ZMYND11: variants seen among roughly 807,000 people sequenced by gnomAD.
The protein encoded by ZMYND11 is zinc finger MYND-type containing 11.
In ZMYND11, 9 loss-of-function variants were observed where a neutral mutation model predicts 84.9. That is an observed-to-expected ratio of 0.11 (90% confidence interval 0.06 to 0.18). ZMYND11 has a LOEUF of 0.18. ZMYND11 is among the 10% of genes least tolerant of loss of function. ZMYND11 has a pLI of 1.00. For missense variants in ZMYND11, 409 were observed against 761.0 expected (o/e 0.54, Z 5.44); for synonymous variants, 250 against 244.1 (o/e 1.02, Z -0.23).
At chr10:193,181 G>A (rs1221363991) in intron 2 of ZMYND11, among the ~76,000 whole-genome samples, 2 of 152,080 alleles carry the variant, frequency 1.3e-5, no homozygotes, top group Non-Finnish European at 2.9e-5. Context: ...TATCAGATAG[G>A]TCTGCAATCC....
intron 2 of ZMYND11, among the ~76,000 whole-genome samples, chr10:207,790 A>G (rs1944451903): frequency 1.3e-5 from 2 of 152,204 alleles, no homozygotes; most frequent in South Asian, 4.1e-4. Context: ...GAATTGGAAA[A>G]AACTACTTTA....
At chr10:211,868 A>G (rs1462564688) in intron 3 of ZMYND11, among the ~76,000 whole-genome samples, 1 of 152,226 alleles carries the variant, frequency 6.6e-6, no homozygotes, top group African/African-American at 2.4e-5. Flanking sequence ...AGTAATGTCA[A>G]GTGGTATCAG....
intron 1 of ZMYND11, among the ~76,000 whole-genome samples, chr10:171,501 CAG>C (rs1165627062): frequency 1.4e-4 from 21 of 152,104 alleles, no homozygotes; most frequent in African/African-American, 4.6e-4. Flanking sequence ...AAATTAATAA[CAG>C]AAAGCTGGGA....
intron 1 of ZMYND11, among the ~76,000 whole-genome samples, chr10:162,250 G>T (rs1843091364): frequency 6.6e-6 from 1 of 152,168 alleles, no homozygotes; most frequent in Non-Finnish European, 1.5e-5. Context: ...CATAGGTGTG[G>T]TTTGTGGTAC....
At chr10:250,947 C>T (rs1953341816) in intron 14 of ZMYND11, among the ~76,000 whole-genome samples, 2 of 152,126 alleles carry the variant, frequency 1.3e-5, no homozygotes, top group African/African-American at 2.4e-5. Flanking sequence ...CTCTTGAACC[C>T]AGGAGGCAGA....
chr10:138,149 G>T (rs1422694047), intron 1 of ZMYND11, among the ~76,000 whole-genome samples: 3 of 140,832 alleles, frequency 2.1e-5, no homozygotes, highest in African/African-American at 8.1e-5. Flanking sequence ...TTGCTCTGTC[G>T]CTCAGGCTGG....
chr10:175,451 C>G (rs1167953847), intron 1 of ZMYND11, among the ~76,000 whole-genome samples: 1 of 152,128 alleles, frequency 6.6e-6, no homozygotes, highest in Non-Finnish European at 1.5e-5. Context: ...GCCTGTAATC[C>G]TAGCTACAAC....
At position 246,931 on chromosome 10, in the gene ZMYND11, G is replaced by A. The variant is rs1175788805; in HGVS notation, c.1116G>A (p.Glu372=). 5 of 1,611,832 alleles carry A rather than the reference G, an allele frequency of 3.1e-6. No individual in the cohort carries two copies. The African/African-American group carries it at 6.7e-5, about 22-fold the overall frequency. ...FWKSKNEDRG[E]EEAESSISST... The stretch of plus-strand genomic sequence containing the variant: ...AATCTAAGAATGAGGACCGAGGTGA[G>A]GAAGAGGCAGAATCCAGTATCTCCT... The change falls in exon 11 of 15, where the codon GAG becomes GAA. Residue 372 remains glutamate, a synonymous_variant. Coordinates refer to ENST00000381604, the MANE Select transcript of ZMYND11 (RefSeq NM_001370100.5).
At chr10:182,956 A>C (rs1420289227) in intron 2 of ZMYND11, among the ~76,000 whole-genome samples, 1 of 152,226 alleles carries the variant, frequency 6.6e-6, no homozygotes, top group Non-Finnish European at 1.5e-5. Flanking sequence ...TAAACTTTGC[A>C]GATATCTTAA....
intron 3 of ZMYND11, among the ~76,000 whole-genome samples, chr10:216,607 AAC>A (rs966942707): frequency 4.6e-5 from 7 of 152,180 alleles, no homozygotes; most frequent in Admixed American, 2.0e-4. Flanking sequence ...TAGTTACAAA[AAC>A]ACAATCATTT....
chr10:243,410 A>G (rs1951449045), intron 10 of ZMYND11, among the ~76,000 whole-genome samples: 1 of 152,232 alleles, frequency 6.6e-6, no homozygotes, highest in Non-Finnish European at 1.5e-5. Flanking sequence ...AGCCATACTA[A>G]TAGGTAAGAA....
intron 14 of ZMYND11, among the ~76,000 whole-genome samples, chr10:251,041 T>C (rs1489458639): frequency 6.6e-6 from 1 of 152,188 alleles, no homozygotes; most frequent in African/African-American, 2.4e-5. Context: ...AAGAATTCTT[T>C]CTTCCCAATT....
chr10:177,124 T>C (rs1223611972), intron 1 of ZMYND11, among the ~76,000 whole-genome samples: 1 of 152,200 alleles, frequency 6.6e-6, no homozygotes, highest in African/African-American at 2.4e-5. Flanking sequence ...CCCTAGAGCA[T>C]AGAAGAGCAC....
At chr10:130,216 G>T (rs1391455873), upstream of ZMYND11, among the ~76,000 whole-genome samples, 5 of 152,146 alleles carry the variant, frequency 3.3e-5, no homozygotes, top group African/African-American at 1.2e-4. Context: ...CCAGGTAATG[G>T]CAATTCATCT....
intron 2 of ZMYND11, among the ~76,000 whole-genome samples, chr10:187,206 A>G (rs1359267207): frequency 6.6e-6 from 1 of 152,070 alleles, no homozygotes; most frequent in Non-Finnish European, 1.5e-5. Context: ...AGCCTGGGAG[A>G]CAGAGTGAGA....
At chr10:248,072 G>GCTTCATT (rs1952545621) in intron 12 of ZMYND11, among the ~76,000 whole-genome samples, 1 of 152,138 alleles carries the variant, frequency 6.6e-6, no homozygotes, top group Non-Finnish European at 1.5e-5. Flanking sequence ...GTATTGATAA[G>GCTTCATT]TAAAATTATA....
chr10:247,050 G>A, intron 11 of ZMYND11, 77 bp downstream of exon 11: 1 of 1,370,928 alleles, frequency 7.3e-7, no homozygotes, highest in Non-Finnish European at 1.0e-6. Flanking sequence ...ACTCCTCACT[G>A]TAATGAACAG....
intron 8 of ZMYND11, among the ~76,000 whole-genome samples, chr10:240,675 C>CAACT (rs1341604088): frequency 3.9e-5 from 6 of 152,180 alleles, no homozygotes; most frequent in Non-Finnish European, 7.3e-5. Context: ...GCTTCTGTTC[C>CAACT]AACTGTGGCC....
chr10:195,470 A>G (rs942929046), intron 2 of ZMYND11, among the ~76,000 whole-genome samples: 1 of 152,274 alleles, frequency 6.6e-6, no homozygotes, highest in Admixed American at 6.5e-5. Context: ...ATATATTTCT[A>G]TAACAGACTA....
Sources: gnomAD v4.1 joint callset for allele counts (sites outside exome capture counted in the v4.1 genomes callset) on GRCh38, gnomAD v4.1.1 for gene constraint, MANE v1.5 for transcripts, NCBI Gene and HGNC (gene_info 2026-07-23, HGNC 2026-07-21) for gene names.